Variants in NCAPG2 observed in about 807,000 individuals in gnomAD.
The protein encoded by NCAPG2 is condensin-2 complex subunit G2.
NCAPG2 carries 53 observed loss-of-function variants against 141.1 expected under a neutral mutation model. That is an observed-to-expected ratio of 0.38 (90% confidence interval 0.30 to 0.47). The LOEUF (loss-of-function observed/expected upper bound fraction) is 0.47. Ranked by LOEUF, NCAPG2 falls within the 20% of genes least tolerant of loss-of-function variation. The pLI is 0.99. For missense variants in NCAPG2, 1,087 were observed against 1,389.0 expected (o/e 0.78, Z 3.46); for synonymous variants, 499 against 490.7 (o/e 1.02, Z -0.22).
intron 2 of NCAPG2, among the ~76,000 whole-genome samples, chr7:158,694,632 A>G (rs1272189986): frequency 2.6e-5 from 4 of 152,212 alleles, no homozygotes; most frequent in Non-Finnish European, 5.9e-5. Flanking sequence ...TATACCACAA[A>G]AGAGCCACTT....
At chr7:158,649,702 T>C (rs1336730001) in intron 24 of NCAPG2, among the ~76,000 whole-genome samples, 3 of 152,252 alleles carry the variant, frequency 2.0e-5, no homozygotes, top group Non-Finnish European at 1.5e-5. Flanking sequence ...TTAGTCATGA[T>C]TTTATATTAC....
rs1044186846 is a variant in NCAPG2 at position 158,639,946 on chromosome 7, G to A, written c.3380+4343C>T. The A allele has an allele frequency of 4.9e-6, 3 of 616,896 alleles. No individual in the cohort carries two copies. The African/African-American group carries it at 6.1e-5, about 13-fold the overall frequency. The allele number at this position is 616,896 out of a possible 1,614,324, so 38.2% of individuals were successfully genotyped here. On this transcript the variant is annotated intron_variant, in intron 27 of 27. Transcript: ENST00000356309. ...AGACAACTGTAAAAGGTGTTAACAT[G>A]TATAATAAGAATTTCAGAAGAGAGA...
At position 158,664,260 on chromosome 7, in the gene NCAPG2, G is replaced by A. The variant is rs1376192733; in HGVS notation, c.1739C>T (p.Ala580Val). The change falls in exon 15 of 28, where the codon GCC (alanine) becomes GTC (valine). Residue 580 changes from alanine to valine, a missense_variant. By Grantham distance (64) the Ala-to-Val change is moderately conservative. Transcript: ENST00000356309. ...CTCTCTCACTGCCCTCTGGATACAG[G>A]CATTTAAGCAATGACGAATAACGTG... is the stretch of plus-strand genomic sequence containing the variant. ...LIHVIRHCLNACIQRAVREPP... is the reference protein window; with the variant it reads ...LIHVIRHCLNVCIQRAVREPP... The A allele has an allele frequency of 6.2e-7, 1 of 1,613,860 alleles. No homozygotes were observed. The highest frequency in any genetic ancestry group is 1.1e-5 in the South Asian group (1 of 91,078).
chr7:158,660,414 T>C (rs1436026322), intron 16 of NCAPG2, among the ~76,000 whole-genome samples: 3 of 128,048 alleles, frequency 2.3e-5, no homozygotes, highest in Non-Finnish European at 1.6e-5. Flanking sequence ...TTTTTTTTTT[T>C]TTTTTTTTTT....
intron 6 of NCAPG2, among the ~76,000 whole-genome samples, chr7:158,689,608 C>A (rs925427920): frequency 6.6e-6 from 1 of 152,176 alleles, no homozygotes; most frequent in Admixed American, 6.5e-5. Context: ...AACACACAGC[C>A]ACCTGTTACC....
rs571962720 is a variant in NCAPG2 at position 158,704,104 on chromosome 7, A to C, written c.-40+620T>G. Among the ~76,000 whole-genome samples the C allele has an allele frequency of 5.1e-3, 742 of 145,732 alleles. 4 individuals carry two copies. Among genetic ancestry groups the C allele is most frequent in the African/African-American group, 0.018 (691 of 38,328 alleles). ...GGGTCGCTCTCTGAGGGTAGTGCCC[A>C]TGCCCAGGACTGAGGGGACGCTCTC... On this transcript the variant is annotated intron_variant, in intron 1 of 27. Transcript: ENST00000356309.
At chr7:158,657,044 T>G (rs563046194) in intron 17 of NCAPG2, among the ~76,000 whole-genome samples, 2 of 152,308 alleles carry the variant, frequency 1.3e-5, no homozygotes, top group Admixed American at 1.3e-4. Flanking sequence ...CATCAAAATA[T>G]TCCTTTTTCT....
At chr7:158,667,058 G>A (rs1303756551) in intron 13 of NCAPG2, 5 of 898,982 alleles carry the variant, frequency 5.6e-6, no homozygotes, top group Non-Finnish European at 4.0e-6. Context: ...CCTCTGGCCA[G>A]CCAGACTGCC....
intron 9 of NCAPG2, 37 bp downstream of exon 9, chr7:158,683,263 A>T (rs771601997): frequency 7.1e-7 from 1 of 1,406,342 alleles, no homozygotes; most frequent in South Asian, 1.5e-5. Context: ...AAAACAGAGG[A>T]AACATTATTT....
At chr7:158,663,572 T>C (rs1378437316) in intron 15 of NCAPG2, among the ~76,000 whole-genome samples, 2 of 152,230 alleles carry the variant, frequency 1.3e-5, no homozygotes, top group African/African-American at 4.8e-5. Flanking sequence ...CCAGAAGCAC[T>C]TGGCTCAGGA....
At chr7:158,685,521 G>T (rs1172795360) in intron 8 of NCAPG2, among the ~76,000 whole-genome samples, 1 of 152,140 alleles carries the variant, frequency 6.6e-6, no homozygotes, top group Non-Finnish European at 1.5e-5. Flanking sequence ...ATATAAAGTG[G>T]AGTAGTATCT....
chr7:158,641,472 T>C (rs1407291675), intron 27 of NCAPG2: 59 of 669,500 alleles, frequency 8.8e-5, no homozygotes, highest in East Asian at 4.5e-4. Context: ...TCCTAGCCAA[T>C]TGGGACTGAG....
At chr7:158,680,151 T>G in intron 10 of NCAPG2, 66 bp from the exon 11 acceptor site, 1 of 1,502,944 alleles carries the variant, frequency 6.7e-7, no homozygotes, top group Non-Finnish European at 9.1e-7. Flanking sequence ...TTAAGTACAG[T>G]GTTCCCAAAG....
chr7:158,658,249 G>T, intron 17 of NCAPG2, 89 bp downstream of exon 17: 1 of 1,233,378 alleles, frequency 8.1e-7, no homozygotes. Flanking sequence ...AAAGCTAAAT[G>T]TTATGGTCTG....
chr7:158,658,246 A>AGACC, intron 17 of NCAPG2, 92 bp downstream of exon 17: 2 of 1,208,812 alleles, frequency 1.7e-6, no homozygotes, highest in Non-Finnish European at 2.2e-6. Context: ...CTGAAAGCTA[A>AGACC]ATGTTATGGT....
chr7:158,646,378 AGT>A, intron 25 of NCAPG2, 80 bp downstream of exon 25: 2 of 950,270 alleles, frequency 2.1e-6, no homozygotes, highest in Non-Finnish European at 3.1e-6. Context: ...GAAAAACTTG[AGT>A]GTAAAAGGAA....
chr7:158,683,441 C>T (rs537073016), intron 8 of NCAPG2, 55 bp from the exon 9 acceptor site: 1 of 1,349,592 alleles, frequency 7.4e-7, no homozygotes, highest in East Asian at 2.5e-5. Flanking sequence ...CTACTGACGA[C>T]CTGACAAGCA....
chr7:158,660,779 G>A (rs1311344379), intron 16 of NCAPG2, among the ~76,000 whole-genome samples: 1 of 152,116 alleles, frequency 6.6e-6, no homozygotes. Context: ...ATGTCCTCCT[G>A]AATTGTAGCT....
intron 16 of NCAPG2, among the ~76,000 whole-genome samples, chr7:158,660,124 G>A (rs1315060639): frequency 6.6e-6 from 1 of 151,512 alleles, no homozygotes; most frequent in South Asian, 2.1e-4. Context: ...AAAATATCTC[G>A]TTAATGTTAC....
Sources: allele counts gnomAD v4.1 joint callset (sites outside exome capture counted in the v4.1 genomes callset), GRCh38; gene constraint gnomAD v4.1.1; transcripts MANE v1.5; gene names NCBI Gene and HGNC (gene_info 2026-07-23, HGNC 2026-07-21).